RNF135: variants seen among roughly 807,000 people sequenced by gnomAD.
The protein encoded by RNF135 is ring finger protein 135.
In RNF135, 46 loss-of-function variants were observed where a neutral mutation model predicts 41.9. That is an observed-to-expected ratio of 1.10 (90% CI 0.87 to 1.40). The LOEUF is 1.40. Ranked by LOEUF, RNF135 falls within the 40% of genes most tolerant of loss-of-function variation. RNF135 has a pLI of 0.00. For synonymous variants in RNF135, 238 were observed against 223.8 expected (o/e 1.06, Z -0.57); for missense variants, 539 against 549.8 (o/e 0.98, Z 0.20).
chr17:30,960,159 C>T, the RNF135 span, among the ~76,000 whole-genome samples: 1 of 151,788 alleles, frequency 6.6e-6, no homozygotes, highest in African/African-American at 2.4e-5. Flanking sequence ...TTTGGGAGGC[C>T]GAGGCAGGCA....
intron 1 of RNF135, chr17:30,975,992 A>T (rs924821589): frequency 2.5e-5 from 9 of 364,756 alleles, no homozygotes; most frequent in African/African-American, 1.7e-4. Context: ...AAAAAAAATA[A>T]ATACTAAAAA....
chr17:30,988,342 A>C (rs895368761), intron 3 of RNF135, among the ~76,000 whole-genome samples: 3 of 151,896 alleles, frequency 2.0e-5, no homozygotes, highest in Non-Finnish European at 4.4e-5. Context: ...TCATTTTTGA[A>C]GATCCATGCA....
intron 3 of RNF135, among the ~76,000 whole-genome samples, chr17:30,992,681 GGC>G (rs1349999170): frequency 6.6e-6 from 1 of 151,958 alleles, no homozygotes; most frequent in Non-Finnish European, 1.5e-5. Context: ...TTCCTAGGCT[GGC>G]CTGGAACTCC....
At chr17:30,969,275 A>G (rs1905692874), upstream of RNF135, 2 of 152,212 alleles carry the variant, frequency 1.3e-5, no homozygotes, top group African/African-American at 4.8e-5. Flanking sequence ...TTTACAGAAA[A>G]AAAGAGGCTC....
intron 1 of RNF135, among the ~76,000 whole-genome samples, chr17:30,979,863 C>G (rs1383627010): frequency 1.5e-5 from 2 of 130,836 alleles, no homozygotes; most frequent in African/African-American, 2.9e-5. Flanking sequence ...GGGGGGCTGA[C>G]CCCCCCACCT....
At chr17:30,966,418 TTTTA>T (rs559802915), upstream of RNF135, among the ~76,000 whole-genome samples, 8,772 of 124,566 alleles carry the variant, frequency 0.07, 810 homozygotes, top group African/African-American at 0.42. Context: ...TATTTTATTT[TTTTA>T]TTTATTTTTA....
At position 30,999,394 on chromosome 17, in the gene RNF135, G is replaced by A. The variant is rs1013549837; in HGVS notation, c.*203G>A. ...CTCCCAAGGTGCTGGGATTACAGGT[G>A]TGAGCCACCACACCTGGCCAAGAAT... On this transcript the variant is annotated 3_prime_UTR_variant, in exon 5 of 5. Transcript: ENST00000328381. 3 of 601,602 alleles carry A rather than the reference G, an allele frequency of 5.0e-6. No homozygotes were observed. Among genetic ancestry groups the A allele is most frequent in the South Asian group, 3.9e-5 (2 of 51,844 alleles). The allele number at this position is 601,602 out of a possible 1,614,324, so 37.3% of individuals were successfully genotyped here. A position where few individuals can be genotyped will look rare whatever the true frequency, so the allele number is the denominator to read the frequency against.
the RNF135 span, among the ~76,000 whole-genome samples, chr17:30,962,687 A>G: frequency 2.7e-5 from 4 of 150,824 alleles, no homozygotes; most frequent in Admixed American, 6.6e-5. Context: ...GATGGTCTCA[A>G]TCTCCAGAAT....
intron 3 of RNF135, among the ~76,000 whole-genome samples, chr17:30,994,338 T>C (rs1281443458): frequency 6.6e-6 from 1 of 150,846 alleles, no homozygotes; most frequent in African/African-American, 2.4e-5. Flanking sequence ...AGTCCAGGAG[T>C]TCAAGAGCAG....
chr17:30,999,428 T>A lies in RNF135; in HGVS notation c.*237T>A. On this transcript the variant is annotated 3_prime_UTR_variant, in exon 5 of 5. Coordinates refer to ENST00000328381, the MANE Select transcript of RNF135 (RefSeq NM_032322.4). Reference sequence around the variant, plus strand: ...CACACCTGGCCAAGAATACCACTTTTGAAGTTAATCCTTTTGTGTGATACA... The same window carrying A: ...CACACCTGGCCAAGAATACCACTTTAGAAGTTAATCCTTTTGTGTGATACA... The A allele has an allele frequency of 1.8e-6, 1 of 541,890 alleles. No homozygotes were observed. Among genetic ancestry groups the A allele is most frequent in the East Asian group, 3.3e-5 (1 of 30,678 alleles). The allele number at this position is 541,890 out of a possible 1,614,324, so 33.6% of individuals were successfully genotyped here.
chr17:30,987,528 A>G (rs1907677371), intron 2 of RNF135, among the ~76,000 whole-genome samples: 1 of 152,300 alleles, frequency 6.6e-6, no homozygotes, highest in Non-Finnish European at 1.5e-5. Context: ...CACCACACCT[A>G]GCCGAAAAGG....
intron 1 of RNF135, among the ~76,000 whole-genome samples, chr17:30,982,989 C>T (rs1017786714): frequency 6.6e-6 from 1 of 152,060 alleles, no homozygotes; most frequent in Non-Finnish European, 1.5e-5. Context: ...ACTCTAAATA[C>T]CTCATATAAG....
intron 1 of RNF135, chr17:30,971,795 T>G (rs1252911517): frequency 1.1e-6 from 1 of 950,944 alleles, no homozygotes; most frequent in Admixed American, 5.5e-5. Flanking sequence ...TTTTTCTTTA[T>G]TTCTTTGAGA....
chr17:30,998,638 ATTG>A (rs950137891), intron 4 of RNF135, 21 bp from the exon 5 acceptor site: 2 of 1,609,176 alleles, frequency 1.2e-6, no homozygotes, highest in African/African-American at 1.3e-5. Flanking sequence ...CCATGTTCTT[ATTG>A]TTCTTTTTTT....
intron 3 of RNF135, among the ~76,000 whole-genome samples, chr17:30,990,746 G>A (rs887181983): frequency 6.6e-6 from 1 of 151,960 alleles, no homozygotes; most frequent in African/African-American, 2.4e-5. Flanking sequence ...ACATTGTCCT[G>A]CATTTTGCTT....
At chr17:30,962,047 C>T in the RNF135 span, among the ~76,000 whole-genome samples, 1 of 152,218 alleles carries the variant, frequency 6.6e-6, no homozygotes, top group South Asian at 2.1e-4. Flanking sequence ...AGCAGCCTAC[C>T]CTGAATCCTC....
intron 3 of RNF135, among the ~76,000 whole-genome samples, chr17:30,990,114 C>T (rs1285473302): frequency 6.6e-6 from 1 of 151,994 alleles, no homozygotes; most frequent in African/African-American, 2.4e-5. Context: ...GAAAGAAGCA[C>T]CTTTGTATTC....
At chr17:30,975,270 C>A in intron 1 of RNF135, 1 of 550,684 alleles carries the variant, frequency 1.8e-6, no homozygotes. Context: ...CTGCAGTGAG[C>A]TGTTTTCATG....
rs536110023 is a variant in RNF135, at chr17:30,999,523, G to C, written c.*332G>C. 1.2e-4 allele frequency: 41 copies of C among 349,492 alleles called. No homozygotes were observed. Among genetic ancestry groups the C allele is most frequent in the South Asian group, 1.1e-3 (39 of 36,818 alleles). The allele number at this position is 349,492 out of a possible 1,614,324, so 21.6% of individuals were successfully genotyped here. A position where few individuals can be genotyped will look rare whatever the true frequency, so the allele number is the denominator to read the frequency against. ...ATAGGCCCCTGCCTGGCTCCTGGGA[G>C]ATAACCTCTAAGCCATTAGAATATC... On this transcript the variant is annotated 3_prime_UTR_variant, in exon 5 of 5. Coordinates refer to ENST00000328381, the MANE Select transcript of RNF135 (RefSeq NM_032322.4).
Sources: gnomAD v4.1 joint callset for allele counts (sites outside exome capture counted in the v4.1 genomes callset) on GRCh38, gnomAD v4.1.1 for gene constraint, MANE v1.5 for transcripts, NCBI Gene and HGNC (gene_info 2026-07-23, HGNC 2026-07-21) for gene names.